SEMA3C: variants seen among roughly 807,000 people sequenced by gnomAD.
The protein encoded by SEMA3C is semaphorin 3C.
In SEMA3C, 47 loss-of-function variants were observed where a neutral mutation model predicts 89.4. The ratio of observed to expected loss-of-function variants is 0.53; its 90% CI spans 0.42 to 0.67. SEMA3C has a LOEUF of 0.67. Ranked by LOEUF, SEMA3C falls within the 30% of genes least tolerant of loss-of-function variation. SEMA3C has a pLI of 0.00. For missense variants in SEMA3C, 839 were observed against 929.1 expected (o/e 0.90, Z 1.26); for synonymous variants, 310 against 320.2 (o/e 0.97, Z 0.34).
At chr7:80,837,196 G>A (rs1040415449) in intron 2 of SEMA3C, among the ~76,000 whole-genome samples, 1 of 152,104 alleles carries the variant, frequency 6.6e-6, no homozygotes, top group African/African-American at 2.4e-5. Context: ...TTTCACAAAC[G>A]TCGGATTAAT....
intron 2 of SEMA3C, among the ~76,000 whole-genome samples, chr7:80,871,522 G>A (rs879419537): frequency 6.6e-6 from 1 of 152,100 alleles, no homozygotes; most frequent in Non-Finnish European, 1.5e-5. Context: ...GACACTGCTC[G>A]AGGTGCTGAA....
chr7:80,905,576 G>GT (rs957757503), intron 2 of SEMA3C, among the ~76,000 whole-genome samples: 8 of 152,098 alleles, frequency 5.3e-5, no homozygotes, highest in Non-Finnish European at 1.0e-4. Flanking sequence ...TGCAATAAGT[G>GT]TAAGTGCAAT....
intron 11 of SEMA3C, among the ~76,000 whole-genome samples, chr7:80,789,944 T>C (rs771805178): frequency 3.9e-5 from 6 of 152,134 alleles, no homozygotes; most frequent in Non-Finnish European, 7.3e-5. Context: ...AACTCTGACA[T>C]GTAAAAGTTT....
chr7:80,883,506 A>T (rs1241326654), intron 2 of SEMA3C, among the ~76,000 whole-genome samples: 1 of 152,232 alleles, frequency 6.6e-6, no homozygotes, highest in Non-Finnish European at 1.5e-5. Flanking sequence ...AGATAAAAGT[A>T]TGGGTTTTCC....
chr7:80,838,826 C>G (rs1408165160), intron 2 of SEMA3C, among the ~76,000 whole-genome samples: 1 of 152,122 alleles, frequency 6.6e-6, no homozygotes, highest in Non-Finnish European at 1.5e-5. Context: ...TGAGCAAAAC[C>G]GCCCCCATGA....
rs537664207 is a variant in SEMA3C, at chr7:80,751,425, C to G, written c.1644-89G>C. On this transcript the variant is annotated intron_variant, in intron 15 of 17. Coordinates refer to ENST00000265361, the MANE Select transcript of SEMA3C (RefSeq NM_006379.5). ...AACACTGTAATTTTAAACTTTGCAC[C>G]CTTTTTATTGCTAAGCTTTCATAAA... 2,309 of 1,152,368 alleles carry G rather than the reference C, an allele frequency of 2.0e-3. 7 individuals carry two copies. The highest frequency in any genetic ancestry group is 6.3e-3 in the South Asian group (485 of 76,624). The allele number at this position is 1,152,368 out of a possible 1,614,324, so 71.4% of individuals were successfully genotyped here.
At chr7:80,826,262 C>T (rs1789870626) in intron 4 of SEMA3C, among the ~76,000 whole-genome samples, 1 of 152,098 alleles carries the variant, frequency 6.6e-6, no homozygotes, top group Non-Finnish European at 1.5e-5. Context: ...ACTTCCAAGA[C>T]TCAGGGCAGT....
At chr7:80,904,942 C>A (rs1401847732) in intron 2 of SEMA3C, among the ~76,000 whole-genome samples, 1 of 151,960 alleles carries the variant, frequency 6.6e-6, no homozygotes, top group South Asian at 2.1e-4. Flanking sequence ...ATTACAGTTT[C>A]TTTTTCCTGA....
chr7:80,870,859 G>T (rs995091401), intron 2 of SEMA3C, among the ~76,000 whole-genome samples: 2 of 152,130 alleles, frequency 1.3e-5, no homozygotes, highest in Non-Finnish European at 2.9e-5. Context: ...GGCTAGGAGG[G>T]AGAAAGAACT....
At chr7:80,861,132 G>A (rs1790761518) in intron 2 of SEMA3C, among the ~76,000 whole-genome samples, 1 of 151,948 alleles carries the variant, frequency 6.6e-6, no homozygotes, top group Non-Finnish European at 1.5e-5. Context: ...CAGACTTTCA[G>A]TATAAAACGC....
chr7:80,774,451 T>C (rs1270474601), intron 12 of SEMA3C, among the ~76,000 whole-genome samples: 3 of 151,954 alleles, frequency 2.0e-5, no homozygotes, highest in African/African-American at 4.8e-5. Flanking sequence ...AACAAATATA[T>C]TCAAAAACTA....
intron 2 of SEMA3C, among the ~76,000 whole-genome samples, chr7:80,837,531 C>T (rs1418456759): frequency 6.6e-6 from 1 of 152,116 alleles, no homozygotes; most frequent in East Asian, 1.9e-4. Flanking sequence ...TTCCAGATTA[C>T]CTTACCACAA....
At chr7:80,759,091 T>G (rs914979060) in intron 14 of SEMA3C, among the ~76,000 whole-genome samples, 2 of 152,192 alleles carry the variant, frequency 1.3e-5, no homozygotes, top group Non-Finnish European at 2.9e-5. Flanking sequence ...CTTGATCCAC[T>G]GATCTTCATC....
At chr7:80,760,124 C>T (rs1788152019) in intron 14 of SEMA3C, among the ~76,000 whole-genome samples, 1 of 152,112 alleles carries the variant, frequency 6.6e-6, no homozygotes, top group Non-Finnish European at 1.5e-5. Flanking sequence ...GTAGTCCTCT[C>T]GCACTGAAAA....
rs1791371400 is a variant in SEMA3C, at chr7:80,882,534, TA to T, written c.103+34144del. Among the ~76,000 whole-genome samples the T allele has an allele frequency of 2.1e-5, 3 of 144,498 alleles. No homozygotes were observed. In the East Asian group the frequency reaches 6.7e-4, roughly 32 times the overall value. 94.8% of individuals were successfully genotyped at this position (144,498 alleles called of 152,430 possible). A position where few individuals can be genotyped will look rare whatever the true frequency, so the allele number is the denominator to read the frequency against. On this transcript the variant is annotated intron_variant, in intron 2 of 17. Coordinates refer to ENST00000265361, the MANE Select transcript of SEMA3C (RefSeq NM_006379.5). ...GCTACCTCATAGAGCTCATGACACA[TA>T]ATAGGTATTCACTGAGCATTTGGTG... is the stretch of plus-strand genomic sequence containing the variant.
At chr7:80,884,303 T>C (rs1791420877) in intron 2 of SEMA3C, among the ~76,000 whole-genome samples, 3 of 152,172 alleles carry the variant, frequency 2.0e-5, no homozygotes, top group African/African-American at 4.8e-5. Flanking sequence ...TCCAAAATCA[T>C]GAGTCTCTTA....
intron 5 of SEMA3C, among the ~76,000 whole-genome samples, chr7:80,815,248 G>A (rs1789572310): frequency 1.3e-5 from 2 of 152,134 alleles, no homozygotes; most frequent in Non-Finnish European, 2.9e-5. Context: ...GAAAAATACA[G>A]AGCATGAATG....
Position 80,789,366 on chromosome 7 carries a change from T to C in SEMA3C, c.1294A>G (p.Ile432Val), listed in dbSNP as rs1403676744. ...RIGTDYKYTK[I>V]AVDRVNAADG... is the part of the protein sequence containing the mutation. ...GCAGCGTTCACTCGATCCACAGCTA[T>C]CTTTGTATACTTGTAGTCAGTGCCA... Residue 432 changes from isoleucine (I) to valine (V), a missense_variant, in exon 12 of 18, where the codon ATA (isoleucine) becomes GTA (valine). Ile to Val is a conservative substitution (Grantham distance 29). Coordinates refer to ENST00000265361, the MANE Select transcript of SEMA3C (RefSeq NM_006379.5). 2 of 1,613,968 alleles carry C rather than the reference T, an allele frequency of 1.2e-6. No individual in the cohort carries two copies. Among genetic ancestry groups the C allele is most frequent in the African/African-American group, 1.3e-5 (1 of 74,900 alleles).
rs532453391 is a variant in SEMA3C at position 80,804,390 on chromosome 7, G to T, written c.659-142C>A. 6.2e-6 allele frequency: 3 copies of T among 484,786 alleles called. No individual in the cohort carries two copies. The South Asian group carries it at 1.5e-4, about 24-fold the overall frequency. The allele number at this position is 484,786 out of a possible 1,614,324, so 30.0% of individuals were successfully genotyped here. On this transcript the variant is annotated intron_variant, in intron 7 of 17. Coordinates refer to ENST00000265361, the MANE Select transcript of SEMA3C (RefSeq NM_006379.5). The stretch of plus-strand genomic sequence containing the variant: ...ATTTACAGGCACATTTCTAAAAGCA[G>T]TAATTGCATTCACACACCATGCCAC...
Sources: allele counts gnomAD v4.1 joint callset (sites outside exome capture counted in the v4.1 genomes callset), GRCh38; gene constraint gnomAD v4.1.1; transcripts MANE v1.5; gene names NCBI Gene and HGNC (gene_info 2026-07-23, HGNC 2026-07-21).